CA12: variants seen among roughly 807,000 people sequenced by gnomAD.
CA12 encodes the protein carbonic anhydrase 12, also known as carbonate dehydratase XII.
In CA12, 36 loss-of-function variants were observed where a neutral mutation model predicts 46.8. That is an observed-to-expected ratio of 0.77 (90% confidence interval 0.59 to 1.02). CA12 has a LOEUF of 1.02. Among genes scored for constraint, CA12 ranks in the 50% least tolerant of loss-of-function variants. The probability of loss-of-function intolerance (pLI) is 0.00; values close to 1 mark genes in which losing one functional copy is unlikely to be tolerated. For synonymous variants in CA12, 202 were observed against 187.0 expected (o/e 1.08, Z -0.65); for missense variants, 436 against 451.4 (o/e 0.97, Z 0.31).
intron 2 of CA12, among the ~76,000 whole-genome samples, chr15:63,347,830 C>T (rs2039172824): frequency 6.6e-6 from 1 of 152,112 alleles, no homozygotes; most frequent in Non-Finnish European, 1.5e-5. Flanking sequence ...CAAGCTTTGC[C>T]ATCTGGGGGT....
At chr15:63,358,475 C>CAGAG (rs111577204) in intron 2 of CA12, among the ~76,000 whole-genome samples, 5 of 152,144 alleles carry the variant, frequency 3.3e-5, no homozygotes, top group African/African-American at 1.2e-4. Flanking sequence ...CCTTTCCTGG[C>CAGAG]AGAGAGAGAC....
chr15:63,369,389 A>G (rs1183058825), intron 2 of CA12, among the ~76,000 whole-genome samples: 1 of 152,208 alleles, frequency 6.6e-6, no homozygotes, highest in Non-Finnish European at 1.5e-5. Context: ...AAGAAACTAC[A>G]GTTAGCTTTG....
chr15:63,359,672 C>T lies in CA12; in HGVS notation c.107-12963G>A, dbSNP rs114832858. Among the ~76,000 whole-genome samples, 1,478 of 152,172 alleles carry T rather than the reference C, an allele frequency of 9.7e-3. 24 individuals are homozygous for T. The highest frequency in any genetic ancestry group is 0.032 in the African/African-American group (1,315 of 41,498). ...CTACATGCTTCAGAAATGTCAAGGG[C>T]ATAAAAGGTCTAAAGAGATACCACA... On this transcript the variant is annotated intron_variant, in intron 2 of 10. Coordinates refer to ENST00000178638, the MANE Select transcript of CA12 (RefSeq NM_001218.5).
chr15:63,358,692 C>T (rs10431802), intron 2 of CA12, among the ~76,000 whole-genome samples: 3,663 of 152,282 alleles, frequency 0.024, 75 homozygotes, highest in East Asian at 0.074. Context: ...CTTGAACTAA[C>T]TCTGAGCTGT....
In CA12 at chr15:63,327,312, A is replaced by G. The variant is rs2038880504; in HGVS notation, c.908-79T>C. The G allele has an allele frequency of 4.7e-6, 5 of 1,054,682 alleles. No homozygotes were observed. The South Asian group carries it at 6.7e-5, about 14-fold the overall frequency. 65.3% of individuals were successfully genotyped at this position (1,054,682 alleles called of 1,614,324 possible). A position where few individuals can be genotyped will look rare whatever the true frequency, so the allele number is the denominator to read the frequency against. On this transcript the variant is annotated intron_variant, in intron 9 of 10. Coordinates refer to ENST00000178638, the MANE Select transcript of CA12 (RefSeq NM_001218.5). The surrounding 1 kb of genome is among the most constrained non-coding windows in gnomAD (Gnocchi z 4.5). ...GCCCATGGCCCCCGGGTGTGAAATC[A>G]TGGCCCAGCTGCATAATCATCCACA...
At chr15:63,337,229 G>A (rs1410365441) in intron 8 of CA12, among the ~76,000 whole-genome samples, 1 of 152,186 alleles carries the variant, frequency 6.6e-6, no homozygotes, top group African/African-American at 2.4e-5. Flanking sequence ...AAATTCTTGG[G>A]CAGTTCTTCA....
intron 2 of CA12, among the ~76,000 whole-genome samples, chr15:63,353,770 C>G (rs1223006200): frequency 1.3e-5 from 2 of 152,180 alleles, no homozygotes; most frequent in African/African-American, 4.8e-5. Context: ...TGGTCTCAGA[C>G]TCCTGGGCTG....
At chr15:63,369,708 G>A (rs1276694521) in intron 2 of CA12, among the ~76,000 whole-genome samples, 2 of 152,216 alleles carry the variant, frequency 1.3e-5, no homozygotes, top group Non-Finnish European at 2.9e-5. Flanking sequence ...GGCTCAGAGA[G>A]GTCATTACTT....
rs187597872 is a variant in CA12 at position 63,327,563 on chromosome 15, C to T, written c.908-330G>A. ...AAGTCAATCTGTTTGGTGCAGGGCCCGGGAATCTGCATTTTGCCAAATACT... is the reference window on the plus strand; with the variant it reads ...AAGTCAATCTGTTTGGTGCAGGGCCTGGGAATCTGCATTTTGCCAAATACT... On this transcript the variant is annotated intron_variant, in intron 9 of 10. Coordinates refer to ENST00000178638, the MANE Select transcript of CA12 (RefSeq NM_001218.5). This position sits in a 1 kb window ranked among gnomAD's most constrained non-coding sequence, Gnocchi z 4.5. Among the ~76,000 whole-genome samples, 17 of 151,822 alleles carry T rather than the reference C, an allele frequency of 1.1e-4. No individual in the cohort carries two copies. The highest frequency in any genetic ancestry group is 2.9e-4 in the African/African-American group (12 of 41,372).
intron 2 of CA12, among the ~76,000 whole-genome samples, chr15:63,375,121 G>A (rs1427590554): frequency 2.0e-5 from 3 of 152,166 alleles, no homozygotes; most frequent in South Asian, 4.1e-4. Context: ...TGCTCCTCTC[G>A]CTTCATTTAA....
In CA12 at chr15:63,378,721, C is replaced by T. The variant is rs1381373826; in HGVS notation, c.85+2915G>A. 6.6e-6 allele frequency: 1 copy of T among 152,166 alleles called. No individual in the cohort carries two copies. Among genetic ancestry groups the T allele is most frequent in the Non-Finnish European group, 1.5e-5 (1 of 68,044 alleles). The allele number at this position is 152,166 out of a possible 1,614,324, so 9.4% of individuals were successfully genotyped here. A position where few individuals can be genotyped will look rare whatever the true frequency, so the allele number is the denominator to read the frequency against. ...GAGGTTCATTATTAAGATGTAATCC[C>T]AGACCTTAGAGATATAATAAGCCAG... On this transcript the variant is annotated intron_variant, in intron 1 of 10. Coordinates refer to ENST00000178638, the MANE Select transcript of CA12 (RefSeq NM_001218.5). The surrounding 1 kb of genome is among the most constrained non-coding windows in gnomAD (Gnocchi z 4.8).
At chr15:63,380,640 G>C (rs1433430130) in intron 1 of CA12, among the ~76,000 whole-genome samples, 1 of 152,174 alleles carries the variant, frequency 6.6e-6, no homozygotes, top group African/African-American at 2.4e-5. Context: ...ATGCCAGCTA[G>C]TTGACTGGAA....
In CA12 at chr15:63,348,772, A is replaced by T. The variant is rs1395331220; in HGVS notation, c.107-2063T>A. ...AGCTAAACGAGAGCCTCGTGAAGAT[A>T]GGGACCCCTCATCTTCGTCTCTGTG... is the stretch of plus-strand genomic sequence containing the variant. On this transcript the variant is annotated intron_variant, in intron 2 of 10. Coordinates refer to ENST00000178638, the MANE Select transcript of CA12 (RefSeq NM_001218.5). The surrounding 1 kb of genome is among the most constrained non-coding windows in gnomAD (Gnocchi z 4.6). Among the ~76,000 whole-genome samples, 1 of 152,248 alleles carries T rather than the reference A, an allele frequency of 6.6e-6. No homozygotes were observed. Among genetic ancestry groups the T allele is most frequent in the Non-Finnish European group, 1.5e-5 (1 of 68,038 alleles).
At chr15:63,360,632 C>T (rs2039350312) in intron 2 of CA12, among the ~76,000 whole-genome samples, 1 of 152,170 alleles carries the variant, frequency 6.6e-6, no homozygotes, top group Non-Finnish European at 1.5e-5. Context: ...GGATGCCATC[C>T]TCATCCCTAA....
In CA12 at chr15:63,331,198, GGA is replaced by G. The variant is rs1486498695; in HGVS notation, c.875-3070_875-3069del. Among the ~76,000 whole-genome samples the G allele has an allele frequency of 6.6e-6, 1 of 152,202 alleles. No homozygotes were observed. Among genetic ancestry groups the G allele is most frequent in the African/African-American group, 2.4e-5 (1 of 41,450 alleles). On this transcript the variant is annotated intron_variant, in intron 8 of 10. Transcript: ENST00000178638. This position sits in a 1 kb window ranked among gnomAD's most constrained non-coding sequence, Gnocchi z 5.3. ...ATGCCAAAACATCTGTTATCTGATG[GGA>G]GAGAGAAAGTCAGCGAGACTTTCGG...
At chr15:63,356,339 G>A (rs575492468) in intron 2 of CA12, among the ~76,000 whole-genome samples, 9 of 152,286 alleles carry the variant, frequency 5.9e-5, no homozygotes, top group East Asian at 1.9e-4. Context: ...GTTGCCGTAA[G>A]CTGAGACTGC....
rs907671265 is a variant in CA12, at chr15:63,345,181, A to G, written c.429+296T>C. Among the ~76,000 whole-genome samples, 1 of 152,258 alleles carries G rather than the reference A, an allele frequency of 6.6e-6. No individual in the cohort carries two copies. ...AGATAGGAAGGCAATGTCTAAAAGA[A>G]GGGCATGTATGTCCCACTGGGCCAC... On this transcript the variant is annotated intron_variant, in intron 4 of 10. Transcript: ENST00000178638. The surrounding 1 kb of genome is among the most constrained non-coding windows in gnomAD (Gnocchi z 4.3).
chr15:63,327,742 G>A lies in CA12; in HGVS notation c.907+356C>T, dbSNP rs941271325. Reference sequence around the variant, plus strand: ...CCCAAGTTCCATTGCACAGTCCTAAGCAGTCCCAGATGACCAGTAGTCCAT... The same window carrying A: ...CCCAAGTTCCATTGCACAGTCCTAAACAGTCCCAGATGACCAGTAGTCCAT... On this transcript the variant is annotated intron_variant, in intron 9 of 10. Transcript: ENST00000178638. This position sits in a 1 kb window ranked among gnomAD's most constrained non-coding sequence, Gnocchi z 4.5. 2.5e-4 allele frequency among the ~76,000 whole-genome samples: 38 copies of A among 152,166 alleles called. No homozygotes were observed. Among genetic ancestry groups the A allele is most frequent in the African/African-American group, 8.4e-4 (35 of 41,440 alleles).
At position 63,328,157 on chromosome 15, in the gene CA12, G is replaced by T. The variant is rs2038892017; in HGVS notation, c.875-27C>A. On this transcript the variant is annotated intron_variant, in intron 8 of 10. Transcript: ENST00000178638. This position sits in a 1 kb window ranked among gnomAD's most constrained non-coding sequence, Gnocchi z 5.9. ...TTAAAAGGGGAGAGGAAAAGACGAG[G>T]TTACTCTAGAGTCAAACCACACTGG... 1.2e-6 allele frequency: 2 copies of T among 1,610,890 alleles called. No homozygotes were observed. Among genetic ancestry groups the T allele is most frequent in the Non-Finnish European group, 1.7e-6 (2 of 1,177,192 alleles).
Sources: gnomAD v4.1 joint callset for allele counts (sites outside exome capture counted in the v4.1 genomes callset) on GRCh38, gnomAD v4.1.1 for gene constraint, Gnocchi (gnomAD v3.1) non-coding constraint, MANE v1.5 for transcripts, NCBI Gene and HGNC (gene_info 2026-07-23, HGNC 2026-07-21) for gene names.